The following TPTE variants were observed in gnomAD, a reference collection of about 807,000 sequenced individuals.
TPTE encodes putative tyrosine-protein phosphatase TPTE.
TPTE carries 59 observed loss-of-function variants against 84.1 expected under a neutral mutation model. That is an observed-to-expected ratio of 0.70 (90% CI 0.57 to 0.87). The LOEUF (loss-of-function observed/expected upper bound fraction) is 0.87. TPTE is among the 40% of genes least tolerant of loss of function. The pLI is 0.00. For synonymous variants in TPTE, 130 were observed against 223.5 expected, an observed-to-expected ratio of 0.58 and a Z score of 3.73; for missense variants, 382 against 659.6, an observed-to-expected ratio of 0.58 and a Z score of 4.61.
chr21:10,535,869 G>C (rs1338774590), intron 3 of TPTE, among the ~76,000 whole-genome samples: 1 of 152,308 alleles, frequency 6.6e-6, no homozygotes, highest in African/African-American at 2.4e-5. Context: ...ATATCTTCTG[G>C]GCAAGAAAGA....
At chr21:10,539,959 A>C (rs1407409964) in intron 4 of TPTE, among the ~76,000 whole-genome samples, 3 of 152,304 alleles carry the variant, frequency 2.0e-5, no homozygotes, top group Non-Finnish European at 4.4e-5. Context: ...CAGTGAGCCG[A>C]GATCATGCCA....
intron 20 of TPTE, among the ~76,000 whole-genome samples, chr21:10,596,536 T>C (rs1487826956): frequency 1.3e-5 from 2 of 152,306 alleles, no homozygotes; most frequent in African/African-American, 4.8e-5. Context: ...ATTTTTTTTC[T>C]CATCACCCTG....
intron 7 of TPTE, among the ~76,000 whole-genome samples, chr21:10,552,108 G>A (rs1320741362): frequency 6.6e-6 from 1 of 152,308 alleles, no homozygotes; most frequent in African/African-American, 2.4e-5. Context: ...CCCTCCACCA[G>A]CAAAAGGTGA....
At chr21:10,576,118 A>G (rs1164248150) in intron 14 of TPTE, among the ~76,000 whole-genome samples, 22 of 152,388 alleles carry the variant, frequency 1.4e-4, no homozygotes, top group Non-Finnish European at 2.6e-4. Context: ...ATAAAAATAC[A>G]TGCATGCACA....
At chr21:10,586,163 G>A (rs1178521170) in intron 17 of TPTE, among the ~76,000 whole-genome samples, 1 of 152,304 alleles carries the variant, frequency 6.6e-6, no homozygotes, top group African/African-American at 2.4e-5. Context: ...AATTCTTAGA[G>A]TGTCAACCAC....
chr21:10,571,934 G>T (rs12627176), intron 14 of TPTE, among the ~76,000 whole-genome samples: 6,645 of 139,884 alleles, frequency 0.048, no homozygotes, highest in East Asian at 0.12. Context: ...GAATCCAGGA[G>T]GTGGAGGTTG....
At chr21:10,562,190 C>T (rs1381829714) in intron 10 of TPTE, among the ~76,000 whole-genome samples, 1 of 152,312 alleles carries the variant, frequency 6.6e-6, no homozygotes, top group Non-Finnish European at 1.5e-5. Flanking sequence ...GCTTGGGGTG[C>T]CCCCTAAAGC....
intron 8 of TPTE, among the ~76,000 whole-genome samples, chr21:10,553,294 CAGG>C (rs1363769446): frequency 6.6e-6 from 1 of 152,300 alleles, no homozygotes; most frequent in Admixed American, 6.5e-5. Flanking sequence ...CAGACATATT[CAGG>C]AGATTTTTCT....
At chr21:10,602,371 C>T (rs210503) in intron 22 of TPTE, among the ~76,000 whole-genome samples, 25,907 of 133,480 alleles carry the variant, frequency 0.19, 19 homozygotes, top group African/African-American at 0.46. Flanking sequence ...TCTAAATTTA[C>T]ATGTATTCTC....
chr21:10,565,034 AAAG>A (rs1285903435), intron 10 of TPTE, among the ~76,000 whole-genome samples: 2 of 152,300 alleles, frequency 1.3e-5, no homozygotes, highest in Admixed American at 6.5e-5. Context: ...GGGAATAAAA[AAAG>A]AAATCCAAAT....
At chr21:10,540,701 T>A (rs745785503) in intron 4 of TPTE, 1 of 519,350 alleles carries the variant, frequency 1.9e-6, no homozygotes, top group Non-Finnish European at 3.8e-6. Context: ...TCCAGCTACT[T>A]GGCCGCAACT....
intron 11 of TPTE, among the ~76,000 whole-genome samples, chr21:10,569,076 T>C (rs1348450947): frequency 2.6e-5 from 4 of 152,310 alleles, no homozygotes; most frequent in Admixed American, 1.3e-4. Context: ...TTACAGATGC[T>C]AAGAGTCTAT....
chr21:10,547,305 T>C (rs1417364738), intron 7 of TPTE, among the ~76,000 whole-genome samples: 1 of 152,288 alleles, frequency 6.6e-6, no homozygotes, highest in African/African-American at 2.4e-5. Context: ...AGCAAAGGAG[T>C]GGAGACACAT....
At chr21:10,538,477 T>A (rs544166982) in intron 3 of TPTE, among the ~76,000 whole-genome samples, 2 of 152,426 alleles carry the variant, frequency 1.3e-5, no homozygotes, top group East Asian at 3.9e-4. Flanking sequence ...GCATTACTAT[T>A]TTCCCCAGCC....
chr21:10,565,029 TAAAA>T (rs1288817211), intron 10 of TPTE, among the ~76,000 whole-genome samples: 1 of 152,292 alleles, frequency 6.6e-6, no homozygotes, highest in Non-Finnish European at 1.5e-5. Flanking sequence ...AGAAAGGGAA[TAAAA>T]AAAGAAATCC....
chr21:10,532,428 T>G (rs2047012289), intron 3 of TPTE, among the ~76,000 whole-genome samples: 1 of 152,308 alleles, frequency 6.6e-6, no homozygotes, highest in Non-Finnish European at 1.5e-5. Context: ...TCTATTGTAG[T>G]AATCTTTGCA....
chr21:10,574,807 T>G (rs2075118738), intron 14 of TPTE, among the ~76,000 whole-genome samples: 1 of 152,312 alleles, frequency 6.6e-6, no homozygotes, highest in Admixed American at 6.5e-5. Flanking sequence ...GAGATCCCCT[T>G]GTGAGCCCAT....
intron 8 of TPTE, among the ~76,000 whole-genome samples, chr21:10,555,297 C>T (rs554571402): frequency 6.6e-6 from 1 of 152,422 alleles, no homozygotes; most frequent in African/African-American, 2.4e-5. Flanking sequence ...ACCTCCACTT[C>T]CCAGGTTCAA....
intron 10 of TPTE, among the ~76,000 whole-genome samples, chr21:10,566,098 C>T (rs897899896): frequency 2.6e-5 from 4 of 152,312 alleles, no homozygotes; most frequent in Non-Finnish European, 5.9e-5. Flanking sequence ...AAAATATTTG[C>T]AAACTACCCA....
Sources: allele counts gnomAD v4.1 joint callset (sites outside exome capture counted in the v4.1 genomes callset), GRCh38; gene constraint gnomAD v4.1.1; transcripts MANE v1.5; gene names NCBI Gene and HGNC (gene_info 2026-07-23, HGNC 2026-07-21).